Variants in ASCC3 observed in about 807,000 individuals in gnomAD.
ASCC3 encodes the protein ASC-1 complex subunit P200.
Under a neutral mutation model 256.3 loss-of-function variants are expected in ASCC3, and 158 were observed. That is an observed-to-expected ratio of 0.62 (90% CI 0.54 to 0.70). ASCC3 has a LOEUF of 0.70. ASCC3 is among the 30% of genes least tolerant of loss of function. The probability of loss-of-function intolerance (pLI) is 0.00; values close to 1 mark genes in which losing one functional copy is unlikely to be tolerated. For missense variants in ASCC3, 2,259 were observed against 2,626.0 expected (o/e 0.86, Z 3.05); for synonymous variants, 948 against 883.4 (o/e 1.07, Z -1.30).
intron 39 of ASCC3, among the ~76,000 whole-genome samples, chr6:100,513,142 G>C (rs1223159700): frequency 6.6e-6 from 1 of 152,034 alleles, no homozygotes; most frequent in Non-Finnish European, 1.5e-5. Flanking sequence ...TTACTACTAG[G>C]ATATTGACAT....
chr6:100,663,062 T>C (rs940981033), intron 14 of ASCC3, among the ~76,000 whole-genome samples: 1 of 151,992 alleles, frequency 6.6e-6, no homozygotes, highest in Non-Finnish European at 1.5e-5. Flanking sequence ...TTTGAGGACT[T>C]CTCCCTTCTT....
At chr6:100,608,091 T>G (rs200430781) in intron 30 of ASCC3, among the ~76,000 whole-genome samples, 12,169 of 90,550 alleles carry the variant, frequency 0.13, 1,845 homozygotes, top group African/African-American at 0.21. Context: ...TATATATATC[T>G]ATATACACAT....
intron 4 of ASCC3, among the ~76,000 whole-genome samples, chr6:100,843,884 A>G (rs920078615): frequency 2.6e-5 from 4 of 152,048 alleles, no homozygotes; most frequent in African/African-American, 9.7e-5. Context: ...GTATACACCT[A>G]AATAAAAGTT....
chr6:100,796,203 G>T (rs2114324931), intron 8 of ASCC3, among the ~76,000 whole-genome samples: 1 of 152,282 alleles, frequency 6.6e-6, no homozygotes, highest in Admixed American at 6.5e-5. Context: ...CCAAATGCTG[G>T]TTAGTATGTG....
intron 24 of ASCC3, among the ~76,000 whole-genome samples, chr6:100,640,657 A>G (rs1775078129): frequency 1.3e-5 from 2 of 152,186 alleles, no homozygotes; most frequent in African/African-American, 4.8e-5. Flanking sequence ...CATGTAGCAC[A>G]CTTGATGAAA....
intron 14 of ASCC3, among the ~76,000 whole-genome samples, chr6:100,669,226 A>T (rs969283694): frequency 1.3e-5 from 2 of 149,666 alleles, no homozygotes; most frequent in African/African-American, 4.9e-5. Flanking sequence ...CTAAAAATGT[A>T]AAGAAATATA....
At chr6:100,567,738 T>G (rs1770343388) in intron 36 of ASCC3, among the ~76,000 whole-genome samples, 1 of 152,216 alleles carries the variant, frequency 6.6e-6, no homozygotes, top group Non-Finnish European at 1.5e-5. Context: ...TTCTTTTTTT[T>G]TGTGGCTGTG....
chr6:100,742,753 C>T (rs937459433), intron 10 of ASCC3, among the ~76,000 whole-genome samples: 19 of 152,318 alleles, frequency 1.2e-4, no homozygotes, highest in African/African-American at 4.3e-4. Context: ...GACCAAACTG[C>T]AGAGAAGGCA....
intron 4 of ASCC3, among the ~76,000 whole-genome samples, chr6:100,842,407 T>C (rs1350311478): frequency 6.6e-6 from 1 of 152,200 alleles, no homozygotes; most frequent in Non-Finnish European, 1.5e-5. Context: ...TAAAACATTA[T>C]TTAACTTTTT....
intron 3 of ASCC3, chr6:100,859,010 T>C (rs1261830632): frequency 2.8e-6 from 2 of 706,390 alleles, no homozygotes; most frequent in Non-Finnish European, 5.2e-6. Flanking sequence ...GCATATAGAT[T>C]TCTTTGTACT....
chr6:100,563,498 T>C (rs1180628237), intron 36 of ASCC3, among the ~76,000 whole-genome samples: 2 of 152,170 alleles, frequency 1.3e-5, no homozygotes, highest in East Asian at 3.8e-4. Context: ...GGTTAGTGTT[T>C]CACATGGATG....
At chr6:100,530,718 T>C (rs1774827777) in intron 37 of ASCC3, 4 of 957,504 alleles carry the variant, frequency 4.2e-6, no homozygotes, top group Non-Finnish European at 6.9e-6. Context: ...GTAACAAGAA[T>C]TGAAAGAACC....
At chr6:100,720,812 C>A (rs942212715) in intron 11 of ASCC3, among the ~76,000 whole-genome samples, 2 of 148,308 alleles carry the variant, frequency 1.3e-5, no homozygotes, top group African/African-American at 4.9e-5. Context: ...AATTATTATA[C>A]ATATATAATA....
At chr6:100,575,051 G>T (rs1436996901) in intron 36 of ASCC3, among the ~76,000 whole-genome samples, 2 of 151,996 alleles carry the variant, frequency 1.3e-5, no homozygotes, top group African/African-American at 4.8e-5. Context: ...AACCCTGGAA[G>T]ATATCCCATT....
chr6:100,729,852 G>A (rs9404016), intron 10 of ASCC3, among the ~76,000 whole-genome samples: 69,412 of 151,878 alleles, frequency 0.46, 16,281 homozygotes, highest in Middle Eastern at 0.6. Context: ...GTAGAAAACC[G>A]GGAGCAAACT....
At chr6:100,693,124 G>C (rs1305120466) in intron 13 of ASCC3, among the ~76,000 whole-genome samples, 1 of 151,952 alleles carries the variant, frequency 6.6e-6, no homozygotes, top group Non-Finnish European at 1.5e-5. Context: ...TGACTATAGA[G>C]TATATCTTCT....
intron 40 of ASCC3, among the ~76,000 whole-genome samples, 154 bp downstream of exon 40, chr6:100,512,555 C>A (rs577215896): frequency 2.6e-5 from 4 of 152,106 alleles, no homozygotes; most frequent in Non-Finnish European, 5.9e-5. Context: ...GGAGAACTCA[C>A]GAATTTCAAA....
At chr6:100,642,147 A>G (rs1775155107) in intron 24 of ASCC3, among the ~76,000 whole-genome samples, 1 of 151,784 alleles carries the variant, frequency 6.6e-6, no homozygotes, top group Admixed American at 6.6e-5. Flanking sequence ...CATGTACCCT[A>G]AAAGTTAAAG....
Position 100,638,674 on chromosome 6 carries a change from G to C in ASCC3, c.4049C>G (p.Pro1350Arg). Residue 1350 changes from proline (P) to arginine (R), a missense_variant, in exon 25 of 42, where the codon CCT (proline) becomes CGT (arginine). By Grantham distance (103) the Pro-to-Arg change is moderately radical. Transcript: ENST00000369162. ...TGCAACAGTCTTTCCCGATCCAGTA[G>C]GTGCTCCAAGTAGGACATTACAATC... ...HTDCNVLLGAPTGSGKTVAAE... is the reference protein window; with the variant it reads ...HTDCNVLLGARTGSGKTVAAE... 1.2e-6 allele frequency: 2 copies of C among 1,614,068 alleles called. No homozygotes were observed. The highest frequency in any genetic ancestry group is 2.2e-5 in the South Asian group (2 of 91,082).
Sources: allele counts gnomAD v4.1 joint callset (sites outside exome capture counted in the v4.1 genomes callset), GRCh38; gene constraint gnomAD v4.1.1; transcripts MANE v1.5; gene names NCBI Gene and HGNC (gene_info 2026-07-23, HGNC 2026-07-21).